The following SMC1A variants were observed in gnomAD, a reference collection of about 807,000 sequenced individuals.
SMC1A encodes the protein structural maintenance of chromosomes 1A.
Under a neutral mutation model 94.5 loss-of-function variants are expected in SMC1A, and 4 were observed. That is an observed-to-expected ratio of 0.04 (90% CI 0.02 to 0.10). The LOEUF is 0.10. SMC1A is among the 10% of genes least tolerant of loss of function. The pLI, the probability that SMC1A is intolerant of heterozygous loss-of-function variation, is 1.00. For missense variants in SMC1A, 304 were observed against 989.0 expected (o/e 0.31, Z 9.29); for synonymous variants, 345 against 347.7 (o/e 0.99, Z 0.09).
At chrX:53,422,335 G>T (rs1338266212) in intron 1 of SMC1A, among the ~76,000 whole-genome samples, 157 bp downstream of exon 1, 3 of 112,189 alleles carry the variant, frequency 2.7e-5, no homozygotes, top group Admixed American at 9.3e-5. Context: ...GCACCCGCGC[G>T]GGGAGAGTGG....
chrX:53,419,482 G>A (rs1439209228), intron 1 of SMC1A, among the ~76,000 whole-genome samples: 4 of 108,105 alleles, frequency 3.7e-5, no homozygotes, highest in Non-Finnish European at 7.7e-5. Context: ...AGCCATGATT[G>A]TGCCACTGTA....
intron 19 of SMC1A, among the ~76,000 whole-genome samples, chrX:53,393,434 AT>A (rs1332568506): frequency 7.1e-5 from 8 of 112,156 alleles, no homozygotes; most frequent in Non-Finnish European, 1.1e-4. Context: ...TGCAAAAAAA[AT>A]AAAAATAAAA....
rs782472357 is a variant in SMC1A, at chrX:53,379,851, G to A, written c.*252C>T. ...GTGATGAGGGGGAGGAAGGGGGTGT[G>A]TGTGATGAACAGATGGCCCTGTTCA... On this transcript the variant is annotated 3_prime_UTR_variant, in exon 25 of 25. Coordinates refer to ENST00000322213, the MANE Select transcript of SMC1A (RefSeq NM_006306.4). The A allele has an allele frequency of 2.4e-6, 1 of 424,091 alleles. No individual in the cohort carries two copies. The highest frequency in any genetic ancestry group is 4.1e-6 in the Non-Finnish European group (1 of 243,249). 34.9% of individuals were successfully genotyped at this position (424,091 alleles called of 1,213,427 possible). A position where few individuals can be genotyped will look rare whatever the true frequency, so the allele number is the denominator to read the frequency against.
chrX:53,377,819 C>G lies in SMC1A; in HGVS notation c.*2284G>C, dbSNP rs2075565598. On this transcript the variant is annotated 3_prime_UTR_variant, in exon 25 of 25. Coordinates refer to ENST00000322213, the MANE Select transcript of SMC1A (RefSeq NM_006306.4). ...TTTTACAGATGTGGAAACTTAGGCT[C>G]AGAGGTGAAGTAACTTGCACAAGTT... 8.9e-6 allele frequency: 1 copy of G among 111,843 alleles called. No homozygotes were observed. Among genetic ancestry groups the G allele is most frequent in the African/African-American group, 3.3e-5 (1 of 30,699 alleles). The allele number at this position is 111,843 out of a possible 1,213,427, so 9.2% of individuals were successfully genotyped here. A position where few individuals can be genotyped will look rare whatever the true frequency, so the allele number is the denominator to read the frequency against.
At chrX:53,396,670 C>T in intron 16 of SMC1A, 53 bp from the exon 17 acceptor site, 4 of 1,160,355 alleles carry the variant, frequency 3.4e-6, no homozygotes, top group Non-Finnish European at 4.7e-6. Context: ...CCCATCTTAC[C>T]CTGGGATATT....
intron 1 of SMC1A, among the ~76,000 whole-genome samples, chrX:53,415,830 T>TA (rs1653363248): frequency 3.6e-4 from 2 of 5,532 alleles, no homozygotes; most frequent in Admixed American, 3.2e-3. Context: ...AAGACTCTCT[T>TA]TAAAAAAATA....
chrX:53,401,029 T>C (rs146001475), intron 15 of SMC1A, among the ~76,000 whole-genome samples: 3 of 111,353 alleles, frequency 2.7e-5, no homozygotes, highest in East Asian at 2.8e-4. Flanking sequence ...GAACAAGGCA[T>C]GCTCTCTCAC....
Position 53,377,201 on chromosome X carries a change from G to C in SMC1A, c.*2902C>G, listed in dbSNP as rs1271210961. The stretch of plus-strand genomic sequence containing the variant: ...TCTAGGCTCTGCCACTAAACCAGTG[G>C]AATCTTGGACAAGTCACCTCACCTC... On this transcript the variant is annotated 3_prime_UTR_variant, in exon 25 of 25. Coordinates refer to ENST00000322213, the MANE Select transcript of SMC1A (RefSeq NM_006306.4). 8.9e-6 allele frequency: 1 copy of C among 112,017 alleles called. No homozygotes were observed. The highest frequency in any genetic ancestry group is 1.9e-5 in the Non-Finnish European group (1 of 53,183). The allele number at this position is 112,017 out of a possible 1,213,427, so 9.2% of individuals were successfully genotyped here. A position where few individuals can be genotyped will look rare whatever the true frequency, so the allele number is the denominator to read the frequency against.
chrX:53,396,196 G>A (rs1556887970), intron 18 of SMC1A, 31 bp downstream of exon 18: 6 of 1,200,517 alleles, frequency 5.0e-6, no homozygotes, highest in Admixed American at 2.2e-5. Flanking sequence ...GATGTTCATC[G>A]CCCACTCCCA....
intron 16 of SMC1A, among the ~76,000 whole-genome samples, chrX:53,398,837 T>C (rs373205376): frequency 3.6e-5 from 4 of 111,851 alleles, no homozygotes; most frequent in South Asian, 7.4e-4. Flanking sequence ...TCAAAGTGTT[T>C]GCATAAAGCT....
At position 53,396,454 on chromosome X, in the gene SMC1A, A is replaced by C. The variant is rs1049418381; in HGVS notation, c.2708+18T>G. On this transcript the variant is annotated intron_variant, in intron 17 of 24. Coordinates refer to ENST00000322213, the MANE Select transcript of SMC1A (RefSeq NM_006306.4). ...TGCTCTATCTACGTCCTCCCACCCC[A>C]GGCCTGAACCCACTCACTTGTTGGC... 11 of 1,211,036 alleles carry C rather than the reference A, an allele frequency of 9.1e-6. No individual in the cohort carries two copies. Among genetic ancestry groups the C allele is most frequent in the Non-Finnish European group, 1.2e-5 (11 of 895,320 alleles).
chrX:53,391,004 G>GAAA (rs1175710151), intron 19 of SMC1A, among the ~76,000 whole-genome samples: 6 of 53,990 alleles, frequency 1.1e-4, no homozygotes, highest in Non-Finnish European at 2.1e-4. Flanking sequence ...AAAAGAAAAA[G>GAAA]AAAAAAAAAA....
chrX:53,411,767 C>G lies in SMC1A; in HGVS notation c.1248G>C (p.Glu416Asp). 2 of 1,211,252 alleles carry G rather than the reference C, an allele frequency of 1.7e-6. No homozygotes were observed. The highest frequency in any genetic ancestry group is 2.2e-6 in the Non-Finnish European group (2 of 895,109). Residue 416 changes from glutamate (E) to aspartate (D), a missense_variant, in exon 7 of 25, where the codon GAG becomes GAC. By Grantham distance (45) the Glu-to-Asp change is conservative. Coordinates refer to ENST00000322213, the MANE Select transcript of SMC1A (RefSeq NM_006306.4). ...RLDLEERKKV[E>D]TEAKIKQKLR... ...TCTTATAACTATAGCCCACCTCTGT[C>G]TCTACTTTCTTCCGTTCTTCCAGAT...
chrX:53,388,725 C>T (rs1370328947), intron 19 of SMC1A, among the ~76,000 whole-genome samples: 2 of 109,911 alleles, frequency 1.8e-5, no homozygotes, highest in Non-Finnish European at 3.8e-5. Context: ...TGGCCAGGCA[C>T]GGTGGCTCAC....
rs782010974 is a variant in SMC1A at position 53,382,579 on chromosome X, T to C, written c.3212A>G (p.Asn1071Ser). ...QIKKERFDRFNACFESVATNI... is the reference protein window; with the variant it reads ...QIKKERFDRFSACFESVATNI... ...GGTAGCCACAGATTCAAAACAAGCATTGAAGCGGTCAAAGCGCTCCTTCTT... is the reference window on the plus strand; with the variant it reads ...GGTAGCCACAGATTCAAAACAAGCACTGAAGCGGTCAAAGCGCTCCTTCTT... The change falls in exon 21 of 25, where the codon AAT (asparagine) becomes AGT (serine). Residue 1071 changes from asparagine (N) to serine (S), a missense_variant. Around this residue, in one of 11 missense-constraint regions of SMC1A, gnomAD observed 17 missense variants for 38.8 expected, o/e 0.44. Transcript: ENST00000322213. The C allele has an allele frequency of 7.4e-6, 9 of 1,209,772 alleles. No individual in the cohort carries two copies. In the African/African-American group the frequency reaches 1.1e-4, roughly 14 times the overall value.
chrX:53,403,710 G>A, intron 14 of SMC1A, 38 bp from the exon 15 acceptor site: 1 of 1,181,912 alleles, frequency 8.5e-7, no homozygotes, highest in Non-Finnish European at 1.1e-6. Flanking sequence ...GGCCCTTTTA[G>A]TCTGTCCTGC....
chrX:53,403,497 G>A, intron 15 of SMC1A, 69 bp downstream of exon 15: 1 of 842,776 alleles, frequency 1.2e-6, no homozygotes, highest in Non-Finnish European at 1.7e-6. Flanking sequence ...GACAGCATCT[G>A]GTTTTCCAAG....
Position 53,380,610 on chromosome X carries a change from C to A in SMC1A, c.3618+10G>T. On this transcript the variant is annotated intron_variant, in intron 24 of 24. Coordinates refer to ENST00000322213, the MANE Select transcript of SMC1A (RefSeq NM_006306.4). ...GAGTAGGACTGGCTCCTGAGCCAGG[C>A]CCGCCCTACCTCAGGATAGACTCCA... 3 of 1,119,623 alleles carry A rather than the reference C, an allele frequency of 2.7e-6. No individual in the cohort carries two copies. Among genetic ancestry groups the A allele is most frequent in the Non-Finnish European group, 3.7e-6 (3 of 812,782 alleles). The allele number at this position is 1,119,623 out of a possible 1,213,427, so 92.3% of individuals were successfully genotyped here. A position where few individuals can be genotyped will look rare whatever the true frequency, so the allele number is the denominator to read the frequency against.
intron 1 of SMC1A, among the ~76,000 whole-genome samples, chrX:53,420,148 C>A (rs1415689522): frequency 1.8e-5 from 2 of 112,417 alleles, no homozygotes; most frequent in East Asian, 5.5e-4. Context: ...CAAGTTATCA[C>A]ACCTCTGTGC....
Sources: gnomAD v4.1 joint callset for allele counts (sites outside exome capture counted in the v4.1 genomes callset) on GRCh38, gnomAD v4.1.1 for gene constraint, gnomAD v4.1.1 regional missense constraint, MANE v1.5 for transcripts, NCBI Gene and HGNC (gene_info 2026-07-23, HGNC 2026-07-21) for gene names.